Variants in CDHR3 observed in about 807,000 individuals in gnomAD.
CDHR3 encodes the protein cadherin related family member 3, also known as cadherin-related family member 3.
CDHR3 carries 79 observed loss-of-function variants against 86.6 expected under a neutral mutation model. That is an observed-to-expected ratio of 0.91 (90% CI 0.76 to 1.10). The LOEUF is 1.10. CDHR3 is among the 50% of genes least tolerant of loss of function. The probability of loss-of-function intolerance (pLI) is 0.00; values close to 1 mark genes in which losing one functional copy is unlikely to be tolerated. For synonymous variants in CDHR3, 421 were observed against 402.4 expected (o/e 1.05, Z -0.55); for missense variants, 1,081 against 1,077.6 (o/e 1.00, Z -0.04).
At chr7:106,011,803 G>C (rs979667085) in intron 8 of CDHR3, among the ~76,000 whole-genome samples, 1 of 152,200 alleles carries the variant, frequency 6.6e-6, no homozygotes, top group Non-Finnish European at 1.5e-5. Context: ...TGATCGGAAG[G>C]CTCTGAGTTT....
At chr7:105,978,954 G>A (rs377066344) in intron 2 of CDHR3, among the ~76,000 whole-genome samples, 1 of 152,134 alleles carries the variant, frequency 6.6e-6, no homozygotes, top group African/African-American at 2.4e-5. Context: ...AAATCAGGAA[G>A]CCAGGGTGTA....
At position 106,035,536 on chromosome 7, in the gene CDHR3, CA is replaced by C. The variant is rs1395295767; in HGVS notation, c.*2840del. Among the ~76,000 whole-genome samples, 5 of 152,162 alleles carry C rather than the reference CA, an allele frequency of 3.3e-5. No homozygotes were observed. The highest frequency in any genetic ancestry group is 4.8e-5 in the African/African-American group (2 of 41,428). ...GAATGAGGCAACGAAAGAATGAAAG[CA>C]GGGATTTATTGAAAACCAAAGTACA... On this transcript the variant is annotated 3_prime_UTR_variant, in exon 19 of 19. Transcript: ENST00000317716.
chr7:105,990,827 G>A (rs1054038794), intron 4 of CDHR3, among the ~76,000 whole-genome samples: 2 of 152,132 alleles, frequency 1.3e-5, no homozygotes, highest in East Asian at 1.9e-4. Context: ...CGTTCCCCTC[G>A]TACCCCAGGG....
Position 106,017,993 on chromosome 7 carries a change from C to G in CDHR3, c.1574C>G (p.Thr525Ser). 1 of 1,613,926 alleles carries G rather than the reference C, an allele frequency of 6.2e-7. No individual in the cohort carries two copies. Among genetic ancestry groups the G allele is most frequent in the Non-Finnish European group, 8.5e-7 (1 of 1,179,876 alleles). Residue 525 changes from threonine (T) to serine (S), a missense_variant, in exon 12 of 19, where the codon ACT becomes AGT. By Grantham distance (58) the Thr-to-Ser change is moderately conservative. Transcript: ENST00000317716. ...NPKTGELQLV[T>S]KVDCETTPIY... is the part of the protein sequence containing the mutation. ...AAGACAGGAGAACTCCAGCTGGTAA[C>G]TAAAGTGGACTGTGAAACAACCCCC...
intron 18 of CDHR3, among the ~76,000 whole-genome samples, chr7:106,031,357 C>T (rs1167467126): frequency 6.6e-6 from 1 of 152,222 alleles, no homozygotes; most frequent in East Asian, 1.9e-4. Flanking sequence ...TAGAGCTGGC[C>T]TCCAGAGCTC....
intron 11 of CDHR3, among the ~76,000 whole-genome samples, 168 bp downstream of exon 11, chr7:106,016,193 G>A (rs145668263): frequency 5.0e-4 from 76 of 152,194 alleles, no homozygotes; most frequent in African/African-American, 1.6e-3. Context: ...AATTTTCCTC[G>A]CTGCTGAGGA....
At chr7:105,996,790 C>T (rs1832314362) in intron 6 of CDHR3, among the ~76,000 whole-genome samples, 1 of 152,184 alleles carries the variant, frequency 6.6e-6, no homozygotes, top group African/African-American at 2.4e-5. Flanking sequence ...CGGTGCCTGC[C>T]TGTTACTGGC....
At chr7:105,997,452 G>T (rs565362275) in intron 6 of CDHR3, among the ~76,000 whole-genome samples, 1 of 152,324 alleles carries the variant, frequency 6.6e-6, no homozygotes, top group South Asian at 2.1e-4. Context: ...AGCACCTGAT[G>T]CTGGGTTAGG....
chr7:105,976,520 TCA>T (rs1828833724), intron 2 of CDHR3, among the ~76,000 whole-genome samples: 1 of 152,196 alleles, frequency 6.6e-6, no homozygotes, highest in Admixed American at 6.5e-5. Context: ...TTTAGTATAT[TCA>T]CAGTCATGCA....
At chr7:105,999,466 G>C (rs1043524950) in intron 6 of CDHR3, among the ~76,000 whole-genome samples, 2 of 152,188 alleles carry the variant, frequency 1.3e-5, no homozygotes, top group African/African-American at 4.8e-5. Context: ...CCATTGTAGA[G>C]GGGTTGTCCT....
chr7:106,004,891 C>T, intron 8 of CDHR3: 1 of 592,264 alleles, frequency 1.7e-6, no homozygotes, highest in South Asian at 2.2e-5. Flanking sequence ...TTTCCTTCTT[C>T]ATTATCTCCC....
At chr7:106,001,312 C>T (rs979167837) in intron 6 of CDHR3, 150 bp from the exon 7 acceptor site, 11 of 739,362 alleles carry the variant, frequency 1.5e-5, no homozygotes, top group East Asian at 2.7e-5. Flanking sequence ...AGCCACCCCT[C>T]CTTTCCACTG....
chr7:105,974,860 C>A lies in CDHR3; in HGVS notation c.63C>A (p.His21Gln). ...ACTCCACAGGGGGAGAAGCACTACACCTAATCCTCTTACCTGCTACAGGCA... is the reference window on the plus strand; with the variant it reads ...ACTCCACAGGGGGAGAAGCACTACAACTAATCCTCTTACCTGCTACAGGCA... ...LGAMSGGEAL[H>Q]LILLPATGNV... is the part of the protein sequence containing the mutation. Residue 21 changes from histidine (H) to glutamine (Q), a missense_variant, in exon 2 of 19, where the codon CAC (histidine) becomes CAA (glutamine). His to Gln is a conservative substitution (Grantham distance 24, BLOSUM62 0). Coordinates refer to ENST00000317716, the MANE Select transcript of CDHR3 (RefSeq NM_152750.5). 6.2e-7 allele frequency: 1 copy of A among 1,613,384 alleles called. No homozygotes were observed. Among genetic ancestry groups the A allele is most frequent in the Non-Finnish European group, 8.5e-7 (1 of 1,179,634 alleles).
At position 106,036,376 on chromosome 7, in the gene CDHR3, A is replaced by G. The variant is rs1313201806; in HGVS notation, c.*3679A>G. ...TTGAAACTTAGGATTTCTCATTTCA[A>G]ACTTAGCGTGTGTTTATCCTTCGTA... On this transcript the variant is annotated 3_prime_UTR_variant, in exon 19 of 19. Transcript: ENST00000317716. 2 of 152,234 alleles carry G rather than the reference A, an allele frequency of 1.3e-5. No individual in the cohort carries two copies. Among genetic ancestry groups the G allele is most frequent in the Non-Finnish European group, 2.9e-5 (2 of 68,044 alleles). The allele number at this position is 152,234 out of a possible 1,614,324, so 9.4% of individuals were successfully genotyped here.
At chr7:105,988,310 C>T (rs925714906) in intron 4 of CDHR3, among the ~76,000 whole-genome samples, 1 of 152,194 alleles carries the variant, frequency 6.6e-6, no homozygotes, top group African/African-American at 2.4e-5. Context: ...AGTTTGAATA[C>T]AAACCTCCCC....
At chr7:106,010,643 T>C (rs1053359696) in intron 8 of CDHR3, among the ~76,000 whole-genome samples, 10 of 152,222 alleles carry the variant, frequency 6.6e-5, no homozygotes, top group Non-Finnish European at 1.2e-4. Context: ...TGATTTTATC[T>C]GCCATGAAAA....
intron 5 of CDHR3, among the ~76,000 whole-genome samples, chr7:105,995,378 A>G (rs1278728539): frequency 2.0e-5 from 3 of 150,224 alleles, no homozygotes; most frequent in Non-Finnish European, 4.4e-5. Context: ...AACATTTAAC[A>G]TCATGAGAAA....
chr7:105,974,347 G>C (rs1828447108), intron 1 of CDHR3, among the ~76,000 whole-genome samples: 1 of 152,166 alleles, frequency 6.6e-6, no homozygotes, highest in Non-Finnish European at 1.5e-5. Flanking sequence ...TAATGGACTT[G>C]GAGAGATTTA....
intron 2 of CDHR3, among the ~76,000 whole-genome samples, chr7:105,978,851 G>A (rs897722474): frequency 2.0e-5 from 3 of 152,004 alleles, no homozygotes; most frequent in Non-Finnish European, 4.4e-5. Context: ...TCCCCAAGGA[G>A]AAGAGGCTGG....
Sources: gnomAD v4.1 joint callset for allele counts (sites outside exome capture counted in the v4.1 genomes callset) on GRCh38, gnomAD v4.1.1 for gene constraint, MANE v1.5 for transcripts, NCBI Gene and HGNC (gene_info 2026-07-23, HGNC 2026-07-21) for gene names.